The following GLI2 variants were observed in gnomAD, a reference collection of about 807,000 sequenced individuals.
GLI2 encodes transcription activator GLI2.
A neutral mutation model predicts 78.9 loss-of-function variants in GLI2; 22 were observed. That is an observed-to-expected ratio of 0.28 (90% CI 0.20 to 0.40). The LOEUF (loss-of-function observed/expected upper bound fraction) is 0.40. Among genes scored for constraint, GLI2 ranks in the 10% least tolerant of loss-of-function variants. GLI2 has a pLI of 1.00. For missense variants in GLI2, 2,097 were observed against 2,213.2 expected (o/e 0.95, Z 1.05); for synonymous variants, 974 against 963.7 (o/e 1.01, Z -0.20).
intron 2 of GLI2, chr2:120,866,652 G>T (rs1385471920): frequency 6.6e-6 from 1 of 152,074 alleles, no homozygotes; most frequent in East Asian, 1.9e-4. Flanking sequence ...GGCAGACAGG[G>T]CGGGTGGTGA....
chr2:120,832,597 C>T (rs1021558928), intron 2 of GLI2, among the ~76,000 whole-genome samples: 1 of 152,214 alleles, frequency 6.6e-6, no homozygotes, highest in Non-Finnish European at 1.5e-5. Flanking sequence ...CTGAGCAGAC[C>T]TCAGGCCCTT....
At chr2:120,983,610 C>A (rs1332499787) in intron 11 of GLI2, among the ~76,000 whole-genome samples, 1 of 152,208 alleles carries the variant, frequency 6.6e-6, no homozygotes, top group Non-Finnish European at 1.5e-5. Context: ...GCAGATGGGG[C>A]ACAGAGCAGC....
intron 2 of GLI2, among the ~76,000 whole-genome samples, chr2:120,862,767 A>T (rs1687961487): frequency 6.6e-6 from 1 of 152,200 alleles, no homozygotes; most frequent in Admixed American, 6.5e-5. Flanking sequence ...GGTTAGCAAT[A>T]CAGCCAAAGT....
chr2:120,886,091 CTG>C (rs1677380969), intron 2 of GLI2, among the ~76,000 whole-genome samples: 2 of 146,740 alleles, frequency 1.4e-5, no homozygotes, highest in South Asian at 4.3e-4. Flanking sequence ...GTGTGTGTGT[CTG>C]TGTGTTTTGG....
chr2:120,950,779 T>A (rs1479105599), intron 3 of GLI2, among the ~76,000 whole-genome samples: 2 of 152,262 alleles, frequency 1.3e-5, no homozygotes, highest in Admixed American at 6.5e-5. Context: ...TCCTGATCCC[T>A]CTCTTTTTCA....
At chr2:120,877,210 C>T (rs1204451620) in intron 2 of GLI2, among the ~76,000 whole-genome samples, 2 of 152,234 alleles carry the variant, frequency 1.3e-5, no homozygotes, top group Admixed American at 6.5e-5. Flanking sequence ...TTGCCTATCA[C>T]ACCACATCAG....
rs201287742 is a variant in GLI2 at position 120,955,351 on chromosome 2, G to A, written c.564G>A (p.Ala188=). 82 of 1,613,148 alleles carry A rather than the reference G, an allele frequency of 5.1e-5. No homozygotes were observed. The highest frequency in any genetic ancestry group is 8.8e-5 in the South Asian group (8 of 91,078). The part of the protein sequence containing the change: ...HQMTLVAGHP[A]PYGDLLMQSG... ...TGACCCTCGTGGCAGGCCACCCCGC[G>A]CCCTACGGGGACCTGCTGATGCAGA... The change falls in exon 5 of 14, where the codon GCG becomes GCA. Residue 188 remains alanine, a synonymous_variant. Coordinates refer to ENST00000361492, the MANE Select transcript of GLI2 (RefSeq NM_001374353.1).
At chr2:120,827,678 G>A (rs762202082) in intron 2 of GLI2, among the ~76,000 whole-genome samples, 21 of 152,226 alleles carry the variant, frequency 1.4e-4, no homozygotes, top group African/African-American at 3.1e-4. Context: ...AATGTGGTGC[G>A]TGATACAGAG....
intron 2 of GLI2, among the ~76,000 whole-genome samples, chr2:120,851,667 C>T (rs1352489857): frequency 6.6e-6 from 1 of 152,234 alleles, no homozygotes; most frequent in Non-Finnish European, 1.5e-5. Context: ...TCCCCGAACA[C>T]AGAGGAGGCA....
rs187569945 is a variant in GLI2 at position 120,918,490 on chromosome 2, G to A, written c.149-8871G>A. Among the ~76,000 whole-genome samples the A allele has an allele frequency of 4.1e-4, 62 of 150,198 alleles. 1 individual carries two copies. The highest frequency in any genetic ancestry group is 1.3e-3 in the Admixed American group (20 of 15,092). ...GAGCCTCTCTCTGTCTCCCAGGCTG[G>A]AGTGCATTGGCGCAATCTCAGCTCA... On this transcript the variant is annotated intron_variant, in intron 2 of 13. Transcript: ENST00000361492.
At chr2:120,774,885 C>T (rs1214475344) in intron 1 of GLI2, among the ~76,000 whole-genome samples, 1 of 152,190 alleles carries the variant, frequency 6.6e-6, no homozygotes, top group Non-Finnish European at 1.5e-5. Context: ...TGTTTGCCAG[C>T]CTTTGCACCC....
Position 120,955,052 on chromosome 2 carries a change from C to T in GLI2, c.458-193C>T, listed in dbSNP as rs1287024431. On this transcript the variant is annotated intron_variant, in intron 4 of 13. Coordinates refer to ENST00000361492, the MANE Select transcript of GLI2 (RefSeq NM_001374353.1). ...CTCCTTCAGCAGCAACACCGCAGCTCGTGCTGGCCAAGCCCAGGCCCAGCA... is the reference window on the plus strand; with the variant it reads ...CTCCTTCAGCAGCAACACCGCAGCTTGTGCTGGCCAAGCCCAGGCCCAGCA... Among the ~76,000 whole-genome samples, 10 of 151,668 alleles carry T rather than the reference C, an allele frequency of 6.6e-5. 1 individual carries two copies. The highest frequency in any genetic ancestry group is 2.4e-4 in the African/African-American group (10 of 41,370).
chr2:120,816,003 C>G (rs73949915), intron 2 of GLI2, among the ~76,000 whole-genome samples: 7,947 of 152,160 alleles, frequency 0.052, 670 homozygotes, highest in African/African-American at 0.18. Flanking sequence ...GGTTGTATGA[C>G]CCTCCCCCTT....
At chr2:120,971,686 CTT>C (rs1682180856) in intron 7 of GLI2, among the ~76,000 whole-genome samples, 1 of 152,184 alleles carries the variant, frequency 6.6e-6, no homozygotes, top group African/African-American at 2.4e-5. Context: ...GAGAAGGTCT[CTT>C]TCCCATTTCC....
At chr2:120,940,761 G>A (rs10210875) in intron 3 of GLI2, among the ~76,000 whole-genome samples, 5,353 of 152,350 alleles carry the variant, frequency 0.035, 116 homozygotes, top group Middle Eastern at 0.065. Flanking sequence ...CATCACCATG[G>A]CTTCATGGGC....
At chr2:120,790,354 G>A (rs992874823) in intron 1 of GLI2, among the ~76,000 whole-genome samples, 2 of 152,182 alleles carry the variant, frequency 1.3e-5, no homozygotes, top group African/African-American at 4.8e-5. Flanking sequence ...TCAAGGTTAT[G>A]GAGCCTGAGG....
intron 13 of GLI2, among the ~76,000 whole-genome samples, chr2:120,986,973 T>A (rs1683010586): frequency 6.6e-6 from 1 of 152,180 alleles, no homozygotes; most frequent in African/African-American, 2.4e-5. Flanking sequence ...GCCATTTAAT[T>A]CCAGTCCCAA....
At chr2:120,896,181 G>C (rs555283956) in intron 2 of GLI2, among the ~76,000 whole-genome samples, 6 of 152,194 alleles carry the variant, frequency 3.9e-5, no homozygotes, top group Non-Finnish European at 8.8e-5. Context: ...GGATCTCATA[G>C]CATTAAGTGT....
intron 2 of GLI2, among the ~76,000 whole-genome samples, chr2:120,896,669 A>ACCC (rs11418226): frequency 2.1e-5 from 3 of 141,678 alleles, no homozygotes; most frequent in South Asian, 2.3e-4. Flanking sequence ...ACATACACCC[A>ACCC]CCCCCCCACA....
Sources: gnomAD v4.1 joint callset for allele counts (sites outside exome capture counted in the v4.1 genomes callset) on GRCh38, gnomAD v4.1.1 for gene constraint, MANE v1.5 for transcripts, NCBI Gene and HGNC (gene_info 2026-07-23, HGNC 2026-07-21) for gene names.